The following DLC1 variants were observed in gnomAD, a reference collection of about 807,000 sequenced individuals.
DLC1 encodes rho GTPase-activating protein 7.
A neutral mutation model predicts 140.3 loss-of-function variants in DLC1; 54 were observed. The observed-to-expected ratio is 0.38, with a 90% confidence interval of 0.31 to 0.48. DLC1 has a LOEUF of 0.48. Ranked by LOEUF, DLC1 falls within the 20% of genes least tolerant of loss-of-function variation. DLC1 has a pLI of 0.96. For synonymous variants in DLC1, 986 were observed against 728.1 expected, an observed-to-expected ratio of 1.35 and a Z score of -5.70; for missense variants, 2,536 against 1,907.0, an observed-to-expected ratio of 1.33 and a Z score of -6.14.
intron 2 of DLC1, among the ~76,000 whole-genome samples, chr8:13,461,449 C>T (rs1799653945): frequency 6.6e-6 from 1 of 152,162 alleles, no homozygotes; most frequent in Non-Finnish European, 1.5e-5. Flanking sequence ...CCCTTCTGTC[C>T]TTGCCCTGCC....
chr8:13,142,853 C>T (rs529822403), intron 5 of DLC1, among the ~76,000 whole-genome samples: 1 of 152,172 alleles, frequency 6.6e-6, no homozygotes, highest in African/African-American at 2.4e-5. Flanking sequence ...AGTTCGAGGC[C>T]AGCCTGACCA....
At chr8:13,290,108 T>C (rs1831701079) in intron 5 of DLC1, among the ~76,000 whole-genome samples, 1 of 152,222 alleles carries the variant, frequency 6.6e-6, no homozygotes, top group Non-Finnish European at 1.5e-5. Flanking sequence ...AAAATAGTTT[T>C]GGTTATATTT....
intron 5 of DLC1, chr8:13,214,445 ACATGAC>A: frequency 1.8e-6 from 1 of 571,276 alleles, no homozygotes; most frequent in South Asian, 2.3e-5. Flanking sequence ...GCACTGTCAA[ACATGAC>A]CTGTGGTCTG....
chr8:13,452,118 GC>G (rs1258420425), intron 2 of DLC1, among the ~76,000 whole-genome samples: 1 of 151,460 alleles, frequency 6.6e-6, no homozygotes. Flanking sequence ...TATAAAAGAT[GC>G]AATAAAACTA....
intron 2 of DLC1, among the ~76,000 whole-genome samples, chr8:13,457,863 C>G (rs548631514): frequency 6.6e-6 from 1 of 152,070 alleles, no homozygotes; most frequent in South Asian, 2.1e-4. Context: ...TAAACCTTTA[C>G]TTTTTGCCTC....
chr8:13,586,704 C>T (rs1043645615), intron 1 of DLC1, among the ~76,000 whole-genome samples: 1 of 150,718 alleles, frequency 6.6e-6, no homozygotes, highest in Admixed American at 6.6e-5. Flanking sequence ...TGAAAGGCAA[C>T]GTCTTTAAAA....
At chr8:13,421,220 T>A (rs1049740574) in intron 2 of DLC1, among the ~76,000 whole-genome samples, 4 of 152,154 alleles carry the variant, frequency 2.6e-5, no homozygotes, top group African/African-American at 4.8e-5. Flanking sequence ...TGATAAGTAA[T>A]CAGTATAGCT....
At chr8:13,193,190 T>C (rs1159571015) in intron 5 of DLC1, among the ~76,000 whole-genome samples, 1 of 152,182 alleles carries the variant, frequency 6.6e-6, no homozygotes, top group Non-Finnish European at 1.5e-5. Context: ...AAATAGGAAT[T>C]TCCTTGCCAC....
chr8:13,539,452 G>A (rs910445906), intron 1 of DLC1, among the ~76,000 whole-genome samples: 18 of 152,006 alleles, frequency 1.2e-4, no homozygotes, highest in African/African-American at 4.1e-4. Context: ...CGTCCACCTC[G>A]GCCTCCCAAA....
At chr8:13,560,171 C>T (rs1023811568) in intron 1 of DLC1, among the ~76,000 whole-genome samples, 1 of 152,050 alleles carries the variant, frequency 6.6e-6, no homozygotes, top group Non-Finnish European at 1.5e-5. Flanking sequence ...AATATAGAAC[C>T]TACATTTGTT....
chr8:13,161,296 A>G (rs866624962), intron 5 of DLC1, among the ~76,000 whole-genome samples: 33 of 152,190 alleles, frequency 2.2e-4, no homozygotes, highest in African/African-American at 8.0e-4. Context: ...CACTGAATGC[A>G]GTGAAAGGGA....
intron 1 of DLC1, among the ~76,000 whole-genome samples, chr8:13,587,608 T>TATATATATATACATTGC (rs1805374836): frequency 1.2e-5 from 1 of 86,692 alleles, no homozygotes; most frequent in African/African-American, 5.2e-5. Context: ...ATTGCATATA[T>TATATATATATACATTGC]ATATATATAT....
chr8:13,100,775 A>G lies in DLC1; in HGVS notation c.1567-5T>C. Reference sequence around the variant, plus strand: ...ATCCTCGTCTGAATCGTCACTCTGCAAAGACAGAAAGGAGCCATTCACACA... The same window carrying G: ...ATCCTCGTCTGAATCGTCACTCTGCGAAGACAGAAAGGAGCCATTCACACA... On this transcript the variant is annotated splice_region_variant and splice_polypyrimidine_tract_variant and intron_variant, in intron 8 of 17. Transcript: ENST00000276297. 1.3e-6 allele frequency: 2 copies of G among 1,552,280 alleles called. No individual in the cohort carries two copies. The highest frequency in any genetic ancestry group is 8.7e-7 in the Non-Finnish European group (1 of 1,151,002).
chr8:13,416,020 G>A (rs1234277839), intron 2 of DLC1, among the ~76,000 whole-genome samples: 1 of 152,044 alleles, frequency 6.6e-6, no homozygotes, highest in Admixed American at 6.6e-5. Flanking sequence ...TTGTGAAAAG[G>A]AAAAAAGCCT....
intron 5 of DLC1, among the ~76,000 whole-genome samples, chr8:13,254,370 ACTT>A (rs751113692): frequency 1.3e-5 from 2 of 152,110 alleles, no homozygotes; most frequent in African/African-American, 2.4e-5. Flanking sequence ...GCAAGGATGA[ACTT>A]CTGGGTTTCT....
Position 13,174,820 on chromosome 8 carries a change from C to T in DLC1, c.1349-59163G>A, listed in dbSNP as rs547463699. ...CTCCCATTCTGTAGGTTGTTTACTCCATTGATAATTTTTTTTTGCTGTGCA... is the reference window on the plus strand; with the variant it reads ...CTCCCATTCTGTAGGTTGTTTACTCTATTGATAATTTTTTTTTGCTGTGCA... On this transcript the variant is annotated intron_variant, in intron 5 of 17. Coordinates refer to ENST00000276297, the MANE Select transcript of DLC1 (RefSeq NM_182643.3). Among the ~76,000 whole-genome samples, 3 of 151,990 alleles carry T rather than the reference C, an allele frequency of 2.0e-5. No individual in the cohort carries two copies. The East Asian group carries it at 5.8e-4, about 29-fold the overall frequency.
chr8:13,578,336 T>C (rs1206694360), intron 1 of DLC1, among the ~76,000 whole-genome samples: 1 of 152,138 alleles, frequency 6.6e-6, no homozygotes, highest in Non-Finnish European at 1.5e-5. Flanking sequence ...AAAAACAAAC[T>C]GTGTTTTCGT....
chr8:13,587,624 T>TATATAC (rs1554548659), intron 1 of DLC1, among the ~76,000 whole-genome samples: 1 of 141,010 alleles, frequency 7.1e-6, no homozygotes, highest in African/African-American at 2.6e-5. Context: ...TATATATATA[T>TATATAC]ACATTGCCTA....
chr8:13,567,207 G>C lies in DLC1; in HGVS notation c.-126+37330C>G, dbSNP rs1441933626. The stretch of plus-strand genomic sequence containing the variant: ...TGGAACAAGGAGACACACAATCTGA[G>C]CTTTTGGACTATAAAAATTATGAAA... On this transcript the variant is annotated intron_variant, in intron 1 of 1. Coordinates refer to the DLC1 transcript ENST00000631382. 6.4e-6 allele frequency: 10 copies of C among 1,551,464 alleles called. No homozygotes were observed. The Admixed American group carries it at 1.2e-4, about 18-fold the overall frequency.
Sources: allele counts gnomAD v4.1 joint callset (sites outside exome capture counted in the v4.1 genomes callset), GRCh38; gene constraint gnomAD v4.1.1; transcripts MANE v1.5; gene names NCBI Gene and HGNC (gene_info 2026-07-23, HGNC 2026-07-21).